Variants in BRD7 observed in about 807,000 individuals in gnomAD.
The protein encoded by BRD7 is bromodomain containing 7, also known as bromodomain-containing protein 7.
Under a neutral mutation model 82.1 loss-of-function variants are expected in BRD7, and 15 were observed. The ratio of observed to expected loss-of-function variants is 0.18; its 90% confidence interval spans 0.12 to 0.28. The LOEUF (loss-of-function observed/expected upper bound fraction) is 0.28. Among genes scored for constraint, BRD7 ranks in the 10% least tolerant of loss-of-function variants. The pLI is 1.00. For missense variants in BRD7, 638 were observed against 779.9 expected, an observed-to-expected ratio of 0.82 and a Z score of 2.17; for synonymous variants, 232 against 266.9, an observed-to-expected ratio of 0.87 and a Z score of 1.27.
intron 4 of BRD7, among the ~76,000 whole-genome samples, chr16:50,351,085 G>A (rs984233193): frequency 2.0e-5 from 3 of 152,128 alleles, no homozygotes; most frequent in Non-Finnish European, 4.4e-5. Flanking sequence ...TTACTCCACA[G>A]AATAACAGTA....
intron 5 of BRD7, among the ~76,000 whole-genome samples, chr16:50,344,859 G>A (rs979817203): frequency 1.3e-5 from 2 of 152,170 alleles, no homozygotes; most frequent in Non-Finnish European, 2.9e-5. Context: ...TATTATCCAG[G>A]AGAACTTCCC....
chr16:50,364,726 T>C (rs994143589), intron 2 of BRD7, among the ~76,000 whole-genome samples: 2 of 152,210 alleles, frequency 1.3e-5, no homozygotes, highest in Non-Finnish European at 2.9e-5. Context: ...AAGATGTGTG[T>C]ACAATGAGGC....
In BRD7 at chr16:50,328,741, C is replaced by T. The variant is rs538440586; in HGVS notation, c.1015G>A (p.Glu339Lys). Residue 339 changes from glutamate (E) to lysine (K), a missense_variant, in exon 9 of 17, where the codon GAA (glutamate) becomes AAA (lysine). Coordinates refer to ENST00000394688, the MANE Select transcript of BRD7 (RefSeq NM_013263.5). ...LTRRLVNSQC[E>K]FERRKPDGTT... ...CCATCTGGTTTTCTTCTTTCAAATT[C>T]GCACTGCAATGACCCAAAGTATTCA... is the stretch of plus-strand genomic sequence containing the variant. 4.2e-5 allele frequency: 67 copies of T among 1,613,798 alleles called. No homozygotes were observed. Among genetic ancestry groups the T allele is most frequent in the South Asian group, 3.7e-4 (34 of 91,032 alleles).
At chr16:50,352,942 T>C (rs1201890373) in intron 4 of BRD7, among the ~76,000 whole-genome samples, 2 of 152,132 alleles carry the variant, frequency 1.3e-5, no homozygotes, top group Non-Finnish European at 2.9e-5. Context: ...ACCTTGTAAA[T>C]TGCAATGGAA....
chr16:50,330,337 CTTT>C (rs11360309), intron 8 of BRD7, among the ~76,000 whole-genome samples: 25 of 53,942 alleles, frequency 4.6e-4, no homozygotes, highest in African/African-American at 1.2e-3. Flanking sequence ...AAAGAGGACA[CTTT>C]TTTTTTTTTT....
At chr16:50,355,273 G>A (rs2038687431) in intron 2 of BRD7, among the ~76,000 whole-genome samples, 1 of 152,160 alleles carries the variant, frequency 6.6e-6, no homozygotes, top group Non-Finnish European at 1.5e-5. Flanking sequence ...GATATACTAT[G>A]TTCATGAATT....
Position 50,358,291 on chromosome 16 carries a change from G to A in BRD7, c.259-3369C>T, listed in dbSNP as rs2038813887. Among the ~76,000 whole-genome samples, 4 of 149,248 alleles carry A rather than the reference G, an allele frequency of 2.7e-5. No homozygotes were observed. The South Asian group carries it at 6.4e-4, about 24-fold the overall frequency. The stretch of plus-strand genomic sequence containing the variant: ...TGTCATCCCAGAACTTTGGGAGGCC[G>A]AGGTGGGTGGATCACTTGAGCTCAG... On this transcript the variant is annotated intron_variant, in intron 2 of 16. Transcript: ENST00000394688.
intron 5 of BRD7, among the ~76,000 whole-genome samples, chr16:50,344,239 G>T (rs952205570): frequency 6.6e-6 from 1 of 152,058 alleles, no homozygotes; most frequent in African/African-American, 2.4e-5. Flanking sequence ...AAGGACATCC[G>T]CACCAAAACT....
chr16:50,326,536 A>G (rs1469387736), intron 9 of BRD7, 145 bp from the exon 10 acceptor site: 24 of 479,156 alleles, frequency 5.0e-5, no homozygotes, highest in Non-Finnish European at 3.6e-6. Context: ...ATCCACTTTT[A>G]TAAGAAAATC....
chr16:50,321,008 T>C (rs550351931), intron 13 of BRD7, among the ~76,000 whole-genome samples: 1 of 152,376 alleles, frequency 6.6e-6, no homozygotes, highest in Non-Finnish European at 1.5e-5. Flanking sequence ...TGAAATGTAA[T>C]GATGTATCTT....
intron 5 of BRD7, chr16:50,348,964 T>C (rs916839510): frequency 3.3e-5 from 5 of 152,440 alleles, no homozygotes; most frequent in African/African-American, 1.2e-4. Flanking sequence ...CACGTATGTT[T>C]ATTGTGGCAC....
At chr16:50,320,150 C>CA in intron 15 of BRD7, 98 bp downstream of exon 15, 2 of 1,525,896 alleles carry the variant, frequency 1.3e-6, no homozygotes, top group Non-Finnish European at 1.8e-6. Flanking sequence ...CCCTGGGATT[C>CA]ACATCAGCAT....
chr16:50,325,379 T>C (rs1265085943), intron 11 of BRD7, among the ~76,000 whole-genome samples: 3 of 152,226 alleles, frequency 2.0e-5, no homozygotes, highest in South Asian at 2.1e-4. Context: ...GAAAATGCAC[T>C]GTAGGTTCCC....
chr16:50,336,380 T>C (rs959570724), intron 6 of BRD7, among the ~76,000 whole-genome samples: 2 of 152,220 alleles, frequency 1.3e-5, no homozygotes, highest in African/African-American at 4.8e-5. Flanking sequence ...AGAAAAGGTA[T>C]ACCAATTTAC....
chr16:50,360,800 T>C (rs891490586), intron 2 of BRD7, among the ~76,000 whole-genome samples: 6 of 152,226 alleles, frequency 3.9e-5, no homozygotes, highest in African/African-American at 1.4e-4. Flanking sequence ...AGAGGAGCAA[T>C]GCTACTCATA....
At chr16:50,336,486 C>T (rs1227860052) in intron 6 of BRD7, among the ~76,000 whole-genome samples, 1 of 152,080 alleles carries the variant, frequency 6.6e-6, no homozygotes, top group African/African-American at 2.4e-5. Context: ...CGCTTGAACC[C>T]GGGAGGCAGA....
At chr16:50,365,547 G>A (rs932478129) in intron 2 of BRD7, among the ~76,000 whole-genome samples, 2 of 152,094 alleles carry the variant, frequency 1.3e-5, no homozygotes, top group Non-Finnish European at 2.9e-5. Context: ...ACAGGGCAGG[G>A]AGCAAAAGAA....
At chr16:50,345,103 G>C (rs1041206643) in intron 5 of BRD7, among the ~76,000 whole-genome samples, 2 of 152,144 alleles carry the variant, frequency 1.3e-5, no homozygotes, top group African/African-American at 2.4e-5. Context: ...AAGAGAGTGG[G>C]AGCCAATATT....
At position 50,356,006 on chromosome 16, in the gene BRD7, T is replaced by TGATA. The variant is rs371900317; in HGVS notation, c.259-1088_259-1085dup. ...AAAATCCAAAAAAGAAATAGATAAG[T>TGATA]GATATCACAGGTAACTCACAGAATA... On this transcript the variant is annotated intron_variant, in intron 2 of 16. Coordinates refer to ENST00000394688, the MANE Select transcript of BRD7 (RefSeq NM_013263.5). Among the ~76,000 whole-genome samples, 337 of 152,254 alleles carry TGATA rather than the reference T, an allele frequency of 2.2e-3. 2 individuals carry two copies. Among genetic ancestry groups the TGATA allele is most frequent in the Non-Finnish European group, 4.2e-3 (287 of 68,016 alleles).
Sources: gnomAD v4.1 joint callset for allele counts (sites outside exome capture counted in the v4.1 genomes callset) on GRCh38, gnomAD v4.1.1 for gene constraint, MANE v1.5 for transcripts, NCBI Gene and HGNC (gene_info 2026-07-23, HGNC 2026-07-21) for gene names.